The following NRXN3 variants were observed in gnomAD, a reference collection of about 807,000 sequenced individuals.
NRXN3 encodes neurexin 3, also known as neurexin III.
Under a neutral mutation model 137.6 loss-of-function variants are expected in NRXN3, and 32 were observed. That is an observed-to-expected ratio of 0.23 (90% confidence interval 0.18 to 0.31). The LOEUF is 0.31. NRXN3 is among the 10% of genes least tolerant of loss of function. The pLI is 1.00. For synonymous variants in NRXN3, 798 were observed against 784.5 expected (o/e 1.02, Z -0.29); for missense variants, 1,574 against 2,062.5 (o/e 0.76, Z 4.59).
chr14:79,617,916 G>GAAAAAAAAAAAA lies in NRXN3; in HGVS notation c.3445-45862_3445-45861insAAAAAAAAAAAA, dbSNP rs2098175722. Among the ~76,000 whole-genome samples the GAAAAAAAAAAAA allele has an allele frequency of 4.4e-4, 28 of 64,310 alleles. 1 individual carries two copies. In the African/African-American group the frequency reaches 6.1e-3, roughly 14 times the overall value. The allele number at this position is 64,310 out of a possible 152,430, so 42.2% of individuals were successfully genotyped here. ...ATTCAGAGATAGGAGCTGAATAGCA[G>GAAAAAAAAAAAA]CAAAAAAAAAAAAAAACATGCTTAT... On this transcript the variant is annotated intron_variant, in intron 16 of 20. Coordinates refer to ENST00000335750, the MANE Select transcript of NRXN3 (RefSeq NM_001330195.2).
intron 8 of NRXN3, among the ~76,000 whole-genome samples, chr14:78,721,951 A>G (rs1310419958): frequency 6.7e-6 from 1 of 149,144 alleles, no homozygotes; most frequent in African/African-American, 2.5e-5. Flanking sequence ...TTTTTTTTTA[A>G]CTTCCGGTTC....
intron 4 of NRXN3, among the ~76,000 whole-genome samples, chr14:78,447,323 A>G (rs1260539454): frequency 1.3e-5 from 2 of 152,254 alleles, no homozygotes; most frequent in Non-Finnish European, 2.9e-5. Context: ...ATTGCCTCTC[A>G]TTCTTTTAAT....
At chr14:78,244,083 C>G (rs747092741) in intron 2 of NRXN3, among the ~76,000 whole-genome samples, 1 of 152,146 alleles carries the variant, frequency 6.6e-6, no homozygotes, top group Non-Finnish European at 1.5e-5. Context: ...CTTGGCCCCT[C>G]TCACTGCAGC....
At chr14:78,285,636 A>G (rs925960106) in intron 3 of NRXN3, among the ~76,000 whole-genome samples, 13 of 152,206 alleles carry the variant, frequency 8.5e-5, no homozygotes, top group Non-Finnish European at 5.9e-5. Flanking sequence ...GAACTCTGAC[A>G]ATACATTGCA....
At chr14:79,174,071 C>A (rs557224623) in intron 15 of NRXN3, among the ~76,000 whole-genome samples, 1 of 152,088 alleles carries the variant, frequency 6.6e-6, no homozygotes, top group East Asian at 1.9e-4. Context: ...CTAATCTGGG[C>A]ATATTTGCAA....
chr14:79,747,545 C>A (rs1182422227), intron 19 of NRXN3, among the ~76,000 whole-genome samples: 1 of 152,028 alleles, frequency 6.6e-6, no homozygotes, highest in East Asian at 1.9e-4. Flanking sequence ...AAGTCAAGAG[C>A]CCCTTCTGAA....
intron 16 of NRXN3, among the ~76,000 whole-genome samples, chr14:79,619,953 A>G (rs1425113046): frequency 6.6e-6 from 1 of 152,090 alleles, no homozygotes; most frequent in Non-Finnish European, 1.5e-5. Context: ...TTTATTTTCA[A>G]AAAGCTCTAT....
chr14:79,280,280 C>T (rs2081058399), intron 15 of NRXN3: 4 of 1,613,742 alleles, frequency 2.5e-6, no homozygotes, highest in South Asian at 1.1e-5. Context: ...GTAGTGGTCC[C>T]GTGCGTTGAC....
intron 2 of NRXN3, among the ~76,000 whole-genome samples, chr14:78,249,535 C>T (rs1017238701): frequency 4.6e-5 from 7 of 152,076 alleles, no homozygotes; most frequent in African/African-American, 1.7e-4. Flanking sequence ...ACTACCATGA[C>T]CCCCTTTACT....
At chr14:79,727,543 C>T (rs1378220802) in intron 19 of NRXN3, among the ~76,000 whole-genome samples, 23 of 152,004 alleles carry the variant, frequency 1.5e-4, no homozygotes, top group Admixed American at 1.5e-3. Flanking sequence ...TGTGGAGGAA[C>T]AGAGCCCAAA....
At chr14:79,586,714 T>G (rs2153816865) in intron 16 of NRXN3, among the ~76,000 whole-genome samples, 1 of 152,334 alleles carries the variant, frequency 6.6e-6, no homozygotes, top group East Asian at 1.9e-4. Flanking sequence ...TCTGTGAACA[T>G]TTAAGAGCCA....
chr14:78,931,286 G>T (rs926074048), intron 10 of NRXN3, among the ~76,000 whole-genome samples: 1 of 152,144 alleles, frequency 6.6e-6, no homozygotes, highest in African/African-American at 2.4e-5. Flanking sequence ...CAGGTTGGTT[G>T]TTGGGGGCAG....
At chr14:78,350,547 A>C (rs1024447217) in intron 4 of NRXN3, among the ~76,000 whole-genome samples, 4 of 152,166 alleles carry the variant, frequency 2.6e-5, no homozygotes, top group African/African-American at 9.6e-5. Context: ...AAACTGGATT[A>C]TGGAAGGTTT....
chr14:78,314,197 T>C (rs2078289791), intron 4 of NRXN3, among the ~76,000 whole-genome samples: 1 of 152,160 alleles, frequency 6.6e-6, no homozygotes, highest in African/African-American at 2.4e-5. Context: ...CGACTTGTGG[T>C]TTGTTTCTCT....
chr14:79,276,524 A>G (rs2080299619), intron 15 of NRXN3, among the ~76,000 whole-genome samples: 1 of 152,246 alleles, frequency 6.6e-6, no homozygotes, highest in African/African-American at 2.4e-5. Flanking sequence ...TAAATAAATT[A>G]TAAGTATGAC....
intron 15 of NRXN3, among the ~76,000 whole-genome samples, chr14:79,084,114 A>G (rs563670448): frequency 1.6e-4 from 24 of 151,808 alleles, no homozygotes; most frequent in Non-Finnish European, 2.6e-4. Context: ...GGGGGCCTCT[A>G]TATTGCCCAG....
intron 10 of NRXN3, among the ~76,000 whole-genome samples, chr14:78,819,701 C>T (rs552720075): frequency 5.3e-5 from 8 of 152,052 alleles, no homozygotes; most frequent in South Asian, 2.1e-4. Flanking sequence ...CCAGTTAGGC[C>T]GCATAAATGA....
At chr14:79,384,655 A>C (rs1474440713) in intron 15 of NRXN3, among the ~76,000 whole-genome samples, 1 of 152,064 alleles carries the variant, frequency 6.6e-6, no homozygotes, top group African/African-American at 2.4e-5. Context: ...CAGTTTTGAA[A>C]CTGTGAAGGT....
chr14:78,974,765 G>A (rs973663372), intron 14 of NRXN3, among the ~76,000 whole-genome samples: 1 of 152,012 alleles, frequency 6.6e-6, no homozygotes, highest in Non-Finnish European at 1.5e-5. Flanking sequence ...CCTAACATTG[G>A]GGTGTGGACT....
Sources: gnomAD v4.1 joint callset for allele counts (sites outside exome capture counted in the v4.1 genomes callset) on GRCh38, gnomAD v4.1.1 for gene constraint, MANE v1.5 for transcripts, NCBI Gene and HGNC (gene_info 2026-07-23, HGNC 2026-07-21) for gene names.